RAVER2: variants seen among roughly 807,000 people sequenced by gnomAD.
The protein encoded by RAVER2 is ribonucleoprotein, PTB binding 2.
Under a neutral mutation model 78.1 loss-of-function variants are expected in RAVER2, and 46 were observed. The ratio of observed to expected loss-of-function variants is 0.59; its 90% CI spans 0.46 to 0.75. RAVER2 has a LOEUF of 0.75. Among genes scored for constraint, RAVER2 ranks in the 30% least tolerant of loss-of-function variants. The pLI is 0.00. For missense variants in RAVER2, 793 were observed against 837.5 expected (o/e 0.95, Z 0.66); for synonymous variants, 311 against 313.3 (o/e 0.99, Z 0.08).
At chr1:64,810,163 A>G (rs1376648440) in intron 9 of RAVER2, among the ~76,000 whole-genome samples, 1 of 152,128 alleles carries the variant, frequency 6.6e-6, no homozygotes, top group Non-Finnish European at 1.5e-5. Flanking sequence ...CCTTTTTTCC[A>G]CAGCAGCTGC....
chr1:64,805,366 A>G lies in RAVER2; in HGVS notation c.1411+261A>G, dbSNP rs1570571723. ...AGGTTCACAGCAGTACAAGGTAAAGACACAGATCCATTTGAGACTGACATG... is the reference window on the plus strand; with the variant it reads ...AGGTTCACAGCAGTACAAGGTAAAGGCACAGATCCATTTGAGACTGACATG... On this transcript the variant is annotated intron_variant, in intron 8 of 11. Transcript: ENST00000294428. 2.0e-5 allele frequency among the ~76,000 whole-genome samples: 3 copies of G among 152,332 alleles called. No homozygotes were observed. In the South Asian group the frequency reaches 6.2e-4, roughly 32 times the overall value.
chr1:64,771,990 T>A (rs1186540493), intron 2 of RAVER2, among the ~76,000 whole-genome samples: 1 of 152,114 alleles, frequency 6.6e-6, no homozygotes, highest in East Asian at 1.9e-4. Context: ...GGCACATGCT[T>A]GCCTTCAAAT....
At chr1:64,828,768 T>A (rs754246932) in intron 11 of RAVER2, among the ~76,000 whole-genome samples, 2 of 152,188 alleles carry the variant, frequency 1.3e-5, no homozygotes, top group Non-Finnish European at 2.9e-5. Flanking sequence ...TTGCAACAGA[T>A]CTCTAGATTT....
At chr1:64,777,825 G>C (rs1395867217) in exon 3 of RAVER2, 4 of 1,613,886 alleles carry the variant, frequency 2.5e-6, no homozygotes, top group Non-Finnish European at 8.5e-7. Context: ...GATGTTTTCT[G>C]GTCTATAGTG....
chr1:64,782,473 A>G (rs1557592502), intron 4 of RAVER2, among the ~76,000 whole-genome samples: 1 of 152,264 alleles, frequency 6.6e-6, no homozygotes, highest in South Asian at 2.1e-4. Context: ...GAGTGTGACA[A>G]CGAATGGATG....
At chr1:64,799,401 A>G (rs966870717) in intron 5 of RAVER2, among the ~76,000 whole-genome samples, 2 of 152,102 alleles carry the variant, frequency 1.3e-5, no homozygotes, top group Admixed American at 1.3e-4. Context: ...ATATCTCTTC[A>G]AGATATGGAT....
At chr1:64,818,591 AG>A (rs1653812073) in intron 11 of RAVER2, among the ~76,000 whole-genome samples, 1 of 152,212 alleles carries the variant, frequency 6.6e-6, no homozygotes, top group Admixed American at 6.5e-5. Context: ...ACTACTTGAA[AG>A]CACTAGAGAA....
chr1:64,800,932 T>A (rs1368513295), intron 5 of RAVER2, among the ~76,000 whole-genome samples: 1 of 152,082 alleles, frequency 6.6e-6, no homozygotes, highest in Non-Finnish European at 1.5e-5. Context: ...CTTAGATGGA[T>A]ACTAAAAAAT....
chr1:64,764,483 G>T (rs1652119434), intron 1 of RAVER2, among the ~76,000 whole-genome samples: 1 of 152,000 alleles, frequency 6.6e-6, no homozygotes, highest in Non-Finnish European at 1.5e-5. Context: ...ATCCCTTTAT[G>T]ACCTTGTTTA....
intron 4 of RAVER2, among the ~76,000 whole-genome samples, chr1:64,784,060 T>C (rs1332916092): frequency 6.6e-6 from 1 of 152,242 alleles, no homozygotes; most frequent in Non-Finnish European, 1.5e-5. Context: ...CATTTCAATC[T>C]TTTATTGGTT....
chr1:64,792,305 A>T (rs1259094960), intron 5 of RAVER2, among the ~76,000 whole-genome samples: 1 of 152,216 alleles, frequency 6.6e-6, no homozygotes, highest in Non-Finnish European at 1.5e-5. Context: ...GCACAGACAC[A>T]AACATATTCT....
rs759829483 is a variant in RAVER2, at chr1:64,768,677, G to T, written c.271G>T (p.Asp91Tyr). 7 of 1,562,100 alleles carry T rather than the reference G, an allele frequency of 4.5e-6. No homozygotes were observed. The South Asian group carries it at 4.5e-5, about 10-fold the overall frequency. ...TCAGGAAGTTCATGATTTGTTAAAA[G>T]ACTATGACTTAAAATATTGTTATGT... Residue 91 changes from aspartate to tyrosine, a missense_variant, in exon 2 of 12, where the codon GAC becomes TAC. Coordinates refer to ENST00000294428, the Ensembl canonical transcript of RAVER2.
intron 2 of RAVER2, among the ~76,000 whole-genome samples, chr1:64,771,506 C>T (rs950851403): frequency 1.7e-4 from 26 of 151,932 alleles, no homozygotes; most frequent in Admixed American, 4.6e-4. Context: ...ATGGTCATTA[C>T]GTGGGTAAAG....
intron 4 of RAVER2, among the ~76,000 whole-genome samples, chr1:64,782,312 ACTT>A (rs1652653405): frequency 6.6e-6 from 1 of 152,108 alleles, no homozygotes; most frequent in Non-Finnish European, 1.5e-5. Context: ...ATTCTTCTCT[ACTT>A]CTTTAGCCTG....
chr1:64,822,016 G>A (rs1280714278), intron 11 of RAVER2, among the ~76,000 whole-genome samples: 3 of 152,220 alleles, frequency 2.0e-5, no homozygotes, highest in Non-Finnish European at 4.4e-5. Context: ...GGCCAGGCGC[G>A]GTGGCTCACG....
chr1:64,807,199 G>A lies in RAVER2; in HGVS notation c.1412-7G>A, dbSNP rs1653462818. 2 of 1,602,068 alleles carry A rather than the reference G, an allele frequency of 1.2e-6. No homozygotes were observed. Among genetic ancestry groups the A allele is most frequent in the African/African-American group, 2.7e-5 (2 of 74,740 alleles). ...TAAAAGCTTTTTGCATTTATGGTTT[G>A]CTACAGCATCTAGCCTGATTCCAAC... is the stretch of plus-strand genomic sequence containing the variant. On this transcript the variant is annotated splice_polypyrimidine_tract_variant and splice_region_variant and intron_variant, in intron 8 of 11. Coordinates refer to ENST00000294428, the Ensembl canonical transcript of RAVER2.
intron 11 of RAVER2, among the ~76,000 whole-genome samples, chr1:64,822,435 T>C (rs564091982): frequency 6.6e-6 from 1 of 152,210 alleles, no homozygotes; most frequent in Non-Finnish European, 1.5e-5. Context: ...GCAGTAGATT[T>C]GTGCAGGCAG....
At chr1:64,784,452 G>A (rs1292417511) in intron 4 of RAVER2, among the ~76,000 whole-genome samples, 1 of 152,042 alleles carries the variant, frequency 6.6e-6, no homozygotes, top group African/African-American at 2.4e-5. Context: ...TTTCCTATCT[G>A]CCTATGTGTT....
chr1:64,789,676 A>G (rs1472893047), intron 5 of RAVER2, among the ~76,000 whole-genome samples, 162 bp downstream of exon 5: 1 of 152,208 alleles, frequency 6.6e-6, no homozygotes, highest in African/African-American at 2.4e-5. Context: ...TTTAACAATA[A>G]TCTGAGGTGA....
Sources: gnomAD v4.1 joint callset for allele counts (sites outside exome capture counted in the v4.1 genomes callset) on GRCh38, gnomAD v4.1.1 for gene constraint, MANE v1.5 for transcripts, NCBI Gene and HGNC (gene_info 2026-07-23, HGNC 2026-07-21) for gene names.